ZNF804B: variants seen among roughly 807,000 people sequenced by gnomAD.
ZNF804B encodes the protein zinc finger protein 804B.
A neutral mutation model predicts 101.4 loss-of-function variants in ZNF804B; 80 were observed. The observed-to-expected ratio is 0.79, with a 90% confidence interval of 0.66 to 0.95. The LOEUF (loss-of-function observed/expected upper bound fraction) is 0.95. Among genes scored for constraint, ZNF804B ranks in the 40% least tolerant of loss-of-function variants. The pLI, the probability that ZNF804B is intolerant of heterozygous loss-of-function variation, is 0.00. For synonymous variants in ZNF804B, 622 were observed against 558.8 expected (o/e 1.11, Z -1.59); for missense variants, 1,673 against 1,561.9 (o/e 1.07, Z -1.20).
rs142696289 is a variant in ZNF804B at position 89,176,587 on chromosome 7, C to CTTTTTTTTTTTTTTTTTTTTTTTTTTTT, written c.109-41565_109-41564insTTTTTTTTTTTTTTTTTTTTTTTTTTTT. ...TTTTCTTTTTTTTCTTTCTTTCTTT[C>CTTTTTTTTTTTTTTTTTTTTTTTTTTTT]TTTCTTTTTTTTTTTTTTTTTCATG... On this transcript the variant is annotated intron_variant, in intron 1 of 3. Transcript: ENST00000333190. Among the ~76,000 whole-genome samples the CTTTTTTTTTTTTTTTTTTTTTTTTTTTT allele has an allele frequency of 1.3e-4, 7 of 53,994 alleles. 1 individual carries two copies. Among genetic ancestry groups the CTTTTTTTTTTTTTTTTTTTTTTTTTTTT allele is most frequent in the African/African-American group, 3.1e-4 (4 of 12,962 alleles). The allele number at this position is 53,994 out of a possible 152,430, so 35.4% of individuals were successfully genotyped here.
In ZNF804B at chr7:89,326,404, A is replaced by G. The variant is rs951697968; in HGVS notation, c.250-940A>G. ...CTGCAAGTGAGTAACAGTCGGCTCC[A>G]GTATTATTACGTCACATGATAACTA... On this transcript the variant is annotated intron_variant, in intron 2 of 3. Coordinates refer to ENST00000333190, the MANE Select transcript of ZNF804B (RefSeq NM_181646.5). 6.6e-5 allele frequency among the ~76,000 whole-genome samples: 10 copies of G among 152,118 alleles called. No individual in the cohort carries two copies. In the East Asian group the frequency reaches 1.9e-3, roughly 29 times the overall value.
chr7:88,997,581 T>C (rs1285197937), intron 1 of ZNF804B, among the ~76,000 whole-genome samples: 4 of 152,068 alleles, frequency 2.6e-5, no homozygotes, highest in African/African-American at 9.7e-5. Flanking sequence ...AGTAAAACAT[T>C]TGTATGACAT....
intron 2 of ZNF804B, among the ~76,000 whole-genome samples, chr7:89,304,006 G>C (rs13239763): frequency 6.6e-6 from 1 of 151,744 alleles, no homozygotes; most frequent in Non-Finnish European, 1.5e-5. Flanking sequence ...CTTTAGACAG[G>C]TTTATTCCGG....
intron 1 of ZNF804B, among the ~76,000 whole-genome samples, chr7:89,152,144 T>A (rs1790887037): frequency 6.6e-6 from 1 of 152,182 alleles, no homozygotes; most frequent in Admixed American, 6.6e-5. Flanking sequence ...GCTTACCATC[T>A]TTTGCTTAGA....
intron 2 of ZNF804B, among the ~76,000 whole-genome samples, chr7:89,241,355 T>G (rs1364065755): frequency 6.6e-6 from 1 of 152,098 alleles, no homozygotes; most frequent in Non-Finnish European, 1.5e-5. Context: ...TTGTTGGTGC[T>G]TTTTTCCTTC....
At chr7:89,305,509 G>A (rs1423033413) in intron 2 of ZNF804B, among the ~76,000 whole-genome samples, 1 of 151,878 alleles carries the variant, frequency 6.6e-6, no homozygotes, top group Non-Finnish European at 1.5e-5. Context: ...GTAATTAGGT[G>A]TTCTTCCTCA....
At chr7:89,089,964 C>T (rs1399953858) in intron 1 of ZNF804B, among the ~76,000 whole-genome samples, 1 of 151,814 alleles carries the variant, frequency 6.6e-6, no homozygotes, top group African/African-American at 2.4e-5. Context: ...AAAAAATAGC[C>T]TAAGATTTTT....
At chr7:89,006,854 G>A (rs1343017823) in intron 1 of ZNF804B, among the ~76,000 whole-genome samples, 2 of 151,770 alleles carry the variant, frequency 1.3e-5, no homozygotes, top group Non-Finnish European at 2.9e-5. Context: ...ATTTTCTTAG[G>A]GTGCTAACAA....
At chr7:89,099,722 C>G (rs1790026491) in intron 1 of ZNF804B, among the ~76,000 whole-genome samples, 1 of 152,050 alleles carries the variant, frequency 6.6e-6, no homozygotes, top group Non-Finnish European at 1.5e-5. Flanking sequence ...AGCCATCATC[C>G]CATCTAGGTG....
At chr7:88,774,683 A>G (rs762838694) in intron 1 of ZNF804B, among the ~76,000 whole-genome samples, 1 of 152,166 alleles carries the variant, frequency 6.6e-6, no homozygotes, top group African/African-American at 2.4e-5. Flanking sequence ...CAGGTGTTGG[A>G]TCTCTGAAAG....
At chr7:89,174,987 A>G (rs1474710823) in intron 1 of ZNF804B, among the ~76,000 whole-genome samples, 1 of 152,018 alleles carries the variant, frequency 6.6e-6, no homozygotes, top group African/African-American at 2.4e-5. Context: ...TATTCTACTT[A>G]TTAAATTCTT....
At chr7:88,850,353 T>C (rs1280528241) in intron 1 of ZNF804B, among the ~76,000 whole-genome samples, 2 of 152,062 alleles carry the variant, frequency 1.3e-5, no homozygotes, top group Admixed American at 6.6e-5. Flanking sequence ...GTTTGCAGAA[T>C]AGAGTATCAG....
At chr7:89,027,836 G>A (rs1018020447) in intron 1 of ZNF804B, among the ~76,000 whole-genome samples, 2 of 152,128 alleles carry the variant, frequency 1.3e-5, no homozygotes, top group Non-Finnish European at 2.9e-5. Flanking sequence ...CAGCCCAAGA[G>A]CTCTTATATT....
intron 1 of ZNF804B, among the ~76,000 whole-genome samples, chr7:88,822,932 C>T (rs183133878): frequency 1.8e-4 from 27 of 152,046 alleles, no homozygotes; most frequent in East Asian, 5.8e-4. Context: ...ATAAATAGGC[C>T]GGACACAGTT....
At chr7:89,141,862 T>C (rs1386238930) in intron 1 of ZNF804B, among the ~76,000 whole-genome samples, 2 of 147,910 alleles carry the variant, frequency 1.4e-5, no homozygotes, top group African/African-American at 2.5e-5. Context: ...CCTGAAATAA[T>C]AGAATTGAAA....
chr7:88,763,825 A>G (rs868691976), intron 1 of ZNF804B, among the ~76,000 whole-genome samples: 2 of 152,120 alleles, frequency 1.3e-5, no homozygotes, highest in Non-Finnish European at 2.9e-5. Context: ...AGTTTTTTAT[A>G]TATTATGTTA....
In ZNF804B at chr7:89,202,564, G is replaced by A. The variant is rs551489981; in HGVS notation, c.109-15591G>A. Among the ~76,000 whole-genome samples the A allele has an allele frequency of 3.9e-5, 6 of 152,112 alleles. No homozygotes were observed. In the South Asian group the frequency reaches 1.2e-3, roughly 32 times the overall value. On this transcript the variant is annotated intron_variant, in intron 1 of 3. Coordinates refer to ENST00000333190, the MANE Select transcript of ZNF804B (RefSeq NM_181646.5). ...TTTGATTTTGATTACATGGTTTGAA[G>A]AAAGAAAAAAATTCTACATCTACAT...
chr7:89,305,399 A>G (rs1790545713), intron 2 of ZNF804B, among the ~76,000 whole-genome samples: 1 of 151,984 alleles, frequency 6.6e-6, no homozygotes, highest in Non-Finnish European at 1.5e-5. Flanking sequence ...AGAAATTACT[A>G]CATCATATAG....
chr7:89,134,980 G>A (rs1417018270), intron 1 of ZNF804B, among the ~76,000 whole-genome samples: 1 of 151,902 alleles, frequency 6.6e-6, no homozygotes, highest in East Asian at 1.9e-4. Context: ...TTTCAGTGGT[G>A]GAAAAAGAGA....
Sources: gnomAD v4.1 joint callset for allele counts (sites outside exome capture counted in the v4.1 genomes callset) on GRCh38, gnomAD v4.1.1 for gene constraint, MANE v1.5 for transcripts, NCBI Gene and HGNC (gene_info 2026-07-23, HGNC 2026-07-21) for gene names.